Variants in PTPRD observed in about 807,000 individuals in gnomAD.
PTPRD encodes protein tyrosine phosphatase receptor type D, also known as receptor-type tyrosine-protein phosphatase delta.
Under a neutral mutation model 214.5 loss-of-function variants are expected in PTPRD, and 34 were observed. The ratio of observed to expected loss-of-function variants is 0.16; its 90% CI spans 0.12 to 0.21. PTPRD has a LOEUF of 0.21. Ranked by LOEUF, PTPRD falls within the 10% of genes least tolerant of loss-of-function variation. The pLI, the probability that PTPRD is intolerant of heterozygous loss-of-function variation, is 1.00. For missense variants in PTPRD, 2,545 were observed against 2,398.7 expected (o/e 1.06, Z -1.27); for synonymous variants, 1,128 against 845.7 (o/e 1.33, Z -5.79).
intron 23 of PTPRD, among the ~76,000 whole-genome samples, chr9:8,503,730 C>A (rs1453303491): frequency 6.6e-6 from 1 of 152,112 alleles, no homozygotes; most frequent in Non-Finnish European, 1.5e-5. Context: ...TGTCAATGTT[C>A]CAAATTTCCA....
intron 3 of PTPRD, among the ~76,000 whole-genome samples, chr9:10,045,444 T>C (rs1305208998): frequency 6.6e-6 from 1 of 151,608 alleles, no homozygotes; most frequent in African/African-American, 2.4e-5. Context: ...AAAAATAGCC[T>C]TGATTATCAA....
chr9:10,007,567 C>T (rs373037303), intron 4 of PTPRD, among the ~76,000 whole-genome samples: 2 of 151,928 alleles, frequency 1.3e-5, no homozygotes, highest in Non-Finnish European at 2.9e-5. Context: ...CATATGATCT[C>T]ACGAATGCCT....
At chr9:8,493,034 G>T (rs971484909) in intron 26 of PTPRD, 55 bp from the exon 27 acceptor site, 3 of 1,453,570 alleles carry the variant, frequency 2.1e-6, no homozygotes, top group Non-Finnish European at 2.9e-6. Flanking sequence ...AATGCTCTGG[G>T]GGAAAAACAA....
At chr9:10,355,554 A>G (rs914329986) in intron 2 of PTPRD, among the ~76,000 whole-genome samples, 2 of 151,392 alleles carry the variant, frequency 1.3e-5, no homozygotes, top group African/African-American at 4.9e-5. Context: ...TCTCAGCTCA[A>G]TGCAACCTCC....
intron 11 of PTPRD, among the ~76,000 whole-genome samples, chr9:8,838,939 C>T (rs2097499763): frequency 6.6e-6 from 1 of 151,878 alleles, no homozygotes; most frequent in South Asian, 2.1e-4. Context: ...ACAGATTTGA[C>T]TATATAAAAT....
At chr9:9,177,665 G>A (rs558870874) in intron 10 of PTPRD, among the ~76,000 whole-genome samples, 42 of 152,006 alleles carry the variant, frequency 2.8e-4, no homozygotes, top group African/African-American at 9.4e-4. Context: ...AAAAAATTCC[G>A]GTAAGCAAAT....
intron 8 of PTPRD, among the ~76,000 whole-genome samples, chr9:9,425,175 T>C (rs991450792): frequency 5.9e-5 from 9 of 151,874 alleles, no homozygotes; most frequent in African/African-American, 1.9e-4. Flanking sequence ...TCCCAGACAA[T>C]AGCCAGTACA....
chr9:10,332,233 A>G (rs1157521136), intron 3 of PTPRD, among the ~76,000 whole-genome samples: 17 of 152,004 alleles, frequency 1.1e-4, no homozygotes, highest in South Asian at 1.0e-3. Flanking sequence ...GCAGAAGTTA[A>G]TATACCATAA....
chr9:9,485,557 T>C (rs569553916), intron 8 of PTPRD, among the ~76,000 whole-genome samples: 35 of 152,304 alleles, frequency 2.3e-4, no homozygotes, highest in African/African-American at 8.2e-4. Context: ...TCAACTTCCT[T>C]AGTTGCTTAG....
chr9:10,148,821 G>A (rs554196126), intron 3 of PTPRD, among the ~76,000 whole-genome samples: 4 of 152,212 alleles, frequency 2.6e-5, no homozygotes, highest in Admixed American at 6.5e-5. Context: ...TACTTCTAGT[G>A]TGCAGCCAAG....
intron 9 of PTPRD, among the ~76,000 whole-genome samples, chr9:9,347,125 C>A (rs1006018833): frequency 2.0e-5 from 3 of 152,112 alleles, no homozygotes; most frequent in Non-Finnish European, 2.9e-5. Flanking sequence ...TGTGGTCTTA[C>A]TACAATGCAC....
chr9:9,363,923 A>G (rs1401178703), intron 9 of PTPRD, among the ~76,000 whole-genome samples: 1 of 151,452 alleles, frequency 6.6e-6, no homozygotes, highest in African/African-American at 2.4e-5. Flanking sequence ...ATGAAATTAT[A>G]AAAAAGTGTT....
In PTPRD at chr9:8,438,746, G is replaced by T. The variant is rs575930308; in HGVS notation, c.3989-2057C>A. On this transcript the variant is annotated intron_variant, in intron 34 of 45. Coordinates refer to ENST00000381196, the MANE Select transcript of PTPRD (RefSeq NM_002839.4). ...AGAGAGTTATTATCATATATGGACT[G>T]AGTGGTGGTTTGGCTAGAGAGGGAG... The T allele has an allele frequency of 5.9e-5, 9 of 152,264 alleles. No individual in the cohort carries two copies. The East Asian group carries it at 1.5e-3, about 26-fold the overall frequency. 9.4% of individuals were successfully genotyped at this position (152,264 alleles called of 1,614,324 possible). A position where few individuals can be genotyped will look rare whatever the true frequency, so the allele number is the denominator to read the frequency against.
rs992494511 is a variant in PTPRD at position 8,452,847 on chromosome 9, CAA to C, written c.3876-3012_3876-3011del. Among the ~76,000 whole-genome samples, 6 of 152,108 alleles carry C rather than the reference CAA, an allele frequency of 3.9e-5. No individual in the cohort carries two copies. The East Asian group carries it at 7.7e-4, about 20-fold the overall frequency. ...CTCTCATCTGGGGGGAAGAAAAAAA[CAA>C]AGAGAAGTTGAGTGAAAGATCAATT... On this transcript the variant is annotated intron_variant, in intron 33 of 45. Coordinates refer to ENST00000381196, the MANE Select transcript of PTPRD (RefSeq NM_002839.4).
intron 6 of PTPRD, among the ~76,000 whole-genome samples, chr9:9,759,171 C>A (rs149953486): frequency 1.1e-4 from 16 of 152,308 alleles, no homozygotes; most frequent in African/African-American, 3.6e-4. Context: ...CACAGTAAAT[C>A]TATTCCTAGC....
intron 5 of PTPRD, among the ~76,000 whole-genome samples, chr9:9,810,881 A>C (rs1362952413): frequency 2.0e-5 from 3 of 151,606 alleles, no homozygotes; most frequent in African/African-American, 7.3e-5. Flanking sequence ...GAAAGGATTC[A>C]GCATTCTAGA....
intron 4 of PTPRD, among the ~76,000 whole-genome samples, chr9:9,961,667 G>C (rs924248764): frequency 6.6e-6 from 1 of 152,142 alleles, no homozygotes; most frequent in Non-Finnish European, 1.5e-5. Flanking sequence ...GAAGCAGGAT[G>C]CTGGCAACAC....
intron 5 of PTPRD, among the ~76,000 whole-genome samples, chr9:9,802,653 T>C (rs75375785): frequency 6.6e-6 from 1 of 151,292 alleles, no homozygotes; most frequent in Non-Finnish European, 1.5e-5. Context: ...CGTTTTTTTT[T>C]AAAAAAAATT....
At chr9:10,382,920 G>A (rs2097850254) in intron 2 of PTPRD, among the ~76,000 whole-genome samples, 1 of 150,478 alleles carries the variant, frequency 6.6e-6, no homozygotes, top group African/African-American at 2.4e-5. Context: ...GTAGAGTGAG[G>A]AGAGAGACCG....
Sources: gnomAD v4.1 joint callset for allele counts (sites outside exome capture counted in the v4.1 genomes callset) on GRCh38, gnomAD v4.1.1 for gene constraint, MANE v1.5 for transcripts, NCBI Gene and HGNC (gene_info 2026-07-23, HGNC 2026-07-21) for gene names.